Variants in EIF2B1 observed in about 807,000 individuals in gnomAD.
The protein encoded by EIF2B1 is translation initiation factor eIF2B subunit alpha.
Under a neutral mutation model 36.8 loss-of-function variants are expected in EIF2B1, and 30 were observed. The observed-to-expected ratio is 0.81, with a 90% CI of 0.61 to 1.10. EIF2B1 has a LOEUF of 1.10. EIF2B1 is among the 50% of genes least tolerant of loss of function. EIF2B1 has a pLI of 0.00. For missense variants in EIF2B1, 271 were observed against 374.8 expected, an observed-to-expected ratio of 0.72 and a Z score of 2.29; for synonymous variants, 139 against 142.2, an observed-to-expected ratio of 0.98 and a Z score of 0.16.
chr12:123,630,447 C>G lies in EIF2B1; in HGVS notation c.202G>C (p.Gly68Arg), dbSNP rs1955179477. The change falls in exon 3 of 9, where the codon GGC becomes CGC. Residue 68 changes from glycine (G) to arginine (R), a missense_variant. By Grantham distance (125) the Gly-to-Arg change is moderately radical (BLOSUM62 -2). Transcript: ENST00000424014. This position sits in a 1 kb window ranked among gnomAD's most constrained non-coding sequence, Gnocchi z 4.6. ...GVDSSVAVSS[G>R]GELFLRFISL... ...ATGAAGCGGAGGAAGAGCTCCCCGC[C>G]AGAGGACACTGCCACAGAGGAGTCC... The G allele has an allele frequency of 6.2e-7, 1 of 1,613,994 alleles. No homozygotes were observed. The highest frequency in any genetic ancestry group is 8.5e-7 in the Non-Finnish European group (1 of 1,180,032).
intron 4 of EIF2B1, among the ~76,000 whole-genome samples, chr12:123,628,033 T>C (rs537632612): frequency 2.6e-4 from 39 of 152,150 alleles, no homozygotes; most frequent in Non-Finnish European, 4.9e-4. Context: ...GTGGATGCAA[T>C]GTGTAGACAC....
Position 123,624,860 on chromosome 12 carries a change from T to C in EIF2B1, c.554A>G (p.Tyr185Cys), listed in dbSNP as rs766636452. Residue 185 changes from tyrosine (Y) to cysteine (C), a missense_variant and splice_region_variant, in exon 7 of 9, where the codon TAC becomes TGC. Coordinates refer to ENST00000424014, the MANE Select transcript of EIF2B1 (RefSeq NM_001414.4). ...VTVVLDAAVG[Y>C]IMEKADLVIV... is the part of the protein sequence containing the mutation. ...GACAAGATCTGCTTTCTCCATGATG[T>C]AGCTAAGGGGAAAAAAAGCTTTTCA... 6 of 1,613,854 alleles carry C rather than the reference T, an allele frequency of 3.7e-6. No individual in the cohort carries two copies. In the Admixed American group the frequency reaches 1.0e-4, roughly 27 times the overall value.
In EIF2B1 at chr12:123,630,737, T is replaced by C. The variant is rs577936933; in HGVS notation, c.116-204A>G. The stretch of plus-strand genomic sequence containing the variant: ...TTTTGATTGTAATAGAGGAAGCGGA[T>C]AGTAAACAAGCACACATAGAAATAA... On this transcript the variant is annotated intron_variant, in intron 2 of 8. Transcript: ENST00000424014. This position sits in a 1 kb window ranked among gnomAD's most constrained non-coding sequence, Gnocchi z 4.6. 2.6e-5 allele frequency among the ~76,000 whole-genome samples: 4 copies of C among 152,260 alleles called. No individual in the cohort carries two copies. Among genetic ancestry groups the C allele is most frequent in the Non-Finnish European group, 5.9e-5 (4 of 68,018 alleles).
At position 123,625,614 on chromosome 12, in the gene EIF2B1, T is replaced by C. The variant is rs3789968; in HGVS notation, c.552-752A>G. The stretch of plus-strand genomic sequence containing the variant: ...AACACATTCCTAATTTCCTTAATCA[T>C]CTATCTTGTTTTCATTCCAAGAGAT... On this transcript the variant is annotated intron_variant, in intron 6 of 8. Coordinates refer to ENST00000424014, the MANE Select transcript of EIF2B1 (RefSeq NM_001414.4). 2.3e-4 allele frequency among the ~76,000 whole-genome samples: 35 copies of C among 152,342 alleles called. No homozygotes were observed. The East Asian group carries it at 6.6e-3, about 29-fold the overall frequency.
At chr12:123,625,049 C>A (rs1955138138) in intron 6 of EIF2B1, among the ~76,000 whole-genome samples, 187 bp from the exon 7 acceptor site, 1 of 151,980 alleles carries the variant, frequency 6.6e-6, no homozygotes, top group East Asian at 1.9e-4. Context: ...CTGGTCATGA[C>A]CCTACAATGA....
chr12:123,629,019 C>T (rs1369920216), intron 4 of EIF2B1, among the ~76,000 whole-genome samples: 1 of 152,158 alleles, frequency 6.6e-6, no homozygotes, highest in Non-Finnish European at 1.5e-5. Flanking sequence ...AAGTCACAAC[C>T]TTGCCTCCAC....
In EIF2B1 at chr12:123,632,374, G is replaced by A. The variant is rs1434489925; in HGVS notation, c.86C>T (p.Thr29Met). ...ATCTCTCTTCAAGAACTCCAGCAAC[G>A]TCCGGATGGCAGCCACTGCTGAGGC... ...DMASAVAAIRTLLEFLKRDKG... is the reference protein window; with the variant it reads ...DMASAVAAIRMLLEFLKRDKG... Residue 29 changes from threonine (T) to methionine (M), a missense_variant, in exon 2 of 9, where the codon ACG becomes ATG. Coordinates refer to ENST00000424014, the MANE Select transcript of EIF2B1 (RefSeq NM_001414.4). 8 of 1,613,076 alleles carry A rather than the reference G, an allele frequency of 5.0e-6. No individual in the cohort carries two copies. Among genetic ancestry groups the A allele is most frequent in the Admixed American group, 1.7e-5 (1 of 59,966 alleles).
At chr12:123,622,042 A>T in intron 8 of EIF2B1, 122 bp from the exon 9 acceptor site, 1 of 1,366,472 alleles carries the variant, frequency 7.3e-7, no homozygotes, top group African/African-American at 1.4e-5. Context: ...GGAGAAACTA[A>T]GCTATGCAGG....
intron 4 of EIF2B1, 73 bp from the exon 5 acceptor site, chr12:123,627,229 G>A (rs951410731): frequency 8.6e-6 from 10 of 1,166,292 alleles, no homozygotes; most frequent in African/African-American, 1.5e-5. Flanking sequence ...ACTGCGGCAC[G>A]TGTTCCCGAC....
rs757909868 is a variant in EIF2B1 at position 123,622,743 on chromosome 12, C to T, written c.646G>A (p.Ala216Thr). 1.9e-6 allele frequency: 3 copies of T among 1,614,032 alleles called. No individual in the cohort carries two copies. Among genetic ancestry groups the T allele is most frequent in the Admixed American group, 1.7e-5 (1 of 60,024 alleles). ...IINKIGTNQMAVCAKAQNKPF... is the reference protein window; with the variant it reads ...IINKIGTNQMTVCAKAQNKPF... The stretch of plus-strand genomic sequence containing the variant: ...TTGTTCTGTGCTTTGGCACACACAG[C>T]CATCTGGTTGGTTCCAATCTGGGAA... Residue 216 changes from alanine (A) to threonine (T), a missense_variant, in exon 8 of 9, where the codon GCT becomes ACT. Physicochemically the swap from Ala to Thr is moderately conservative, Grantham distance 58 (BLOSUM62 0). Coordinates refer to ENST00000424014, the MANE Select transcript of EIF2B1 (RefSeq NM_001414.4).
chr12:123,624,978 GT>G (rs574955629), intron 6 of EIF2B1, 116 bp from the exon 7 acceptor site: 20 of 963,552 alleles, frequency 2.1e-5, no homozygotes, highest in Middle Eastern at 2.6e-4. Context: ...ATAACTACCT[GT>G]TTTTTTTAAA....
chr12:123,629,381 A>G (rs1365694182), intron 4 of EIF2B1, among the ~76,000 whole-genome samples: 2 of 152,196 alleles, frequency 1.3e-5, no homozygotes, highest in African/African-American at 4.8e-5. Flanking sequence ...ATTTCCCTCT[A>G]TTGCTAACCT....
intron 4 of EIF2B1, among the ~76,000 whole-genome samples, chr12:123,627,869 A>G (rs1955160244): frequency 6.6e-6 from 1 of 152,188 alleles, no homozygotes; most frequent in African/African-American, 2.4e-5. Flanking sequence ...GAAAAGGCTA[A>G]GGAGGGCCAG....
chr12:123,629,828 A>C (rs1955174852), intron 4 of EIF2B1, among the ~76,000 whole-genome samples: 1 of 152,076 alleles, frequency 6.6e-6, no homozygotes, highest in South Asian at 2.1e-4. Context: ...TAAATCAAGA[A>C]TCACACGTGC....
intron 7 of EIF2B1, among the ~76,000 whole-genome samples, chr12:123,623,057 A>G (rs1955119047): frequency 6.6e-6 from 1 of 152,096 alleles, no homozygotes; most frequent in African/African-American, 2.4e-5. Context: ...TTGGAATCAA[A>G]AAAATAAATG....
chr12:123,620,629 A>T lies in EIF2B1; in HGVS notation c.*1127T>A, dbSNP rs980432155. On this transcript the variant is annotated 3_prime_UTR_variant, in exon 9 of 9. Transcript: ENST00000424014. ...ATATATATATATATATATATATATAAGCTCTTTTTTCTGAGGCTATTTTAT... is the reference window on the plus strand; with the variant it reads ...ATATATATATATATATATATATATATGCTCTTTTTTCTGAGGCTATTTTAT... 7 of 60,828 alleles carry T rather than the reference A, an allele frequency of 1.2e-4. No homozygotes were observed. Among genetic ancestry groups the T allele is most frequent in the Admixed American group, 2.0e-4 (1 of 5,068 alleles). 3.8% of individuals were successfully genotyped at this position (60,828 alleles called of 1,614,324 possible).
At chr12:123,623,518 T>C (rs185471347) in intron 7 of EIF2B1, among the ~76,000 whole-genome samples, 24 of 152,266 alleles carry the variant, frequency 1.6e-4, no homozygotes, top group African/African-American at 5.5e-4. Flanking sequence ...AAGTTAAATA[T>C]ATAGTTACCA....
chr12:123,621,590 CTGAAA>C lies in EIF2B1; in HGVS notation c.*161_*165del, dbSNP rs532007189. 89 of 819,254 alleles carry C rather than the reference CTGAAA, an allele frequency of 1.1e-4. No individual in the cohort carries two copies. In the African/African-American group the frequency reaches 1.4e-3, roughly 12 times the overall value. 50.7% of individuals were successfully genotyped at this position (819,254 alleles called of 1,614,324 possible). ...ATAGCTGACACATTTTTAGATGGGA[CTGAAA>C]TGAGTAAGAAAGGTTCTCCAAGATG... On this transcript the variant is annotated 3_prime_UTR_variant, in exon 9 of 9. Coordinates refer to ENST00000424014, the MANE Select transcript of EIF2B1 (RefSeq NM_001414.4).
At position 123,633,655 on chromosome 12, in the gene EIF2B1, C is replaced by T. The variant is rs1184663473; in HGVS notation, c.-98G>A. ...CCGCCTGCGAGCCAGTCTGACAGCGCGCTGCACACCTCCGCACCCCACTTC... is the reference window on the plus strand; with the variant it reads ...CCGCCTGCGAGCCAGTCTGACAGCGTGCTGCACACCTCCGCACCCCACTTC... On this transcript the variant is annotated 5_prime_UTR_variant, in exon 1 of 9. Transcript: ENST00000424014. 6 of 1,559,152 alleles carry T rather than the reference C, an allele frequency of 3.8e-6. No individual in the cohort carries two copies. Among genetic ancestry groups the T allele is most frequent in the Middle Eastern group, 2.1e-4 (1 of 4,820 alleles).
Sources: allele counts gnomAD v4.1 joint callset (sites outside exome capture counted in the v4.1 genomes callset), GRCh38; gene constraint gnomAD v4.1.1; non-coding constraint Gnocchi (gnomAD v3.1); transcripts MANE v1.5; gene names NCBI Gene and HGNC (gene_info 2026-07-23, HGNC 2026-07-21).